The following QPCTL variants were observed in gnomAD, a reference collection of about 807,000 sequenced individuals.
The protein encoded by QPCTL is glutaminyl-peptide cyclotransferase like, also known as glutaminyl-peptide cyclotransferase-like protein.
A neutral mutation model predicts 34.6 loss-of-function variants in QPCTL; 31 were observed. That is an observed-to-expected ratio of 0.90 (90% confidence interval 0.67 to 1.21). The LOEUF (loss-of-function observed/expected upper bound fraction) is 1.21, where lower values mean the gene tolerates loss of function less well. QPCTL is among the 50% of genes most tolerant of loss of function. The pLI, the probability that QPCTL is intolerant of heterozygous loss-of-function variation, is 0.00. For synonymous variants in QPCTL, 223 were observed against 226.9 expected (o/e 0.98, Z 0.15); for missense variants, 474 against 507.8 (o/e 0.93, Z 0.64).
intron 5 of QPCTL, among the ~76,000 whole-genome samples, chr19:45,701,107 C>G (rs970351233): frequency 3.7e-5 from 4 of 107,136 alleles, no homozygotes; most frequent in Admixed American, 9.3e-5. Flanking sequence ...CATTTCTACA[C>G]ACACGCGCAC....
chr19:45,699,800 C>T (rs1967774777), intron 5 of QPCTL, among the ~76,000 whole-genome samples: 1 of 151,920 alleles, frequency 6.6e-6, no homozygotes. Context: ...GGCGTGGTGA[C>T]ATGTGCCTGT....
In QPCTL at chr19:45,703,003, T is replaced by C. The variant is rs143525608; in HGVS notation, c.1103T>C (p.Leu368Ser). ...CTCCACCCACCCACGGTACACAACT[T>C]GTGCCGCATTCTCGCTGTGTTCCTG... ...VNLHPPTVHN[L>S]CRILAVFLAE... Residue 368 changes from leucine to serine, a missense_variant, in exon 7 of 7, where the codon TTG (leucine) becomes TCG (serine). Physicochemically the swap from Leu to Ser is moderately radical, Grantham distance 145 (BLOSUM62 -2). Transcript: ENST00000012049. 3.0e-3 allele frequency: 4,792 copies of C among 1,614,082 alleles called. 10 individuals are homozygous for C. Among genetic ancestry groups the C allele is most frequent in the Non-Finnish European group, 3.8e-3 (4,483 of 1,180,008 alleles).
At chr19:45,700,668 C>T (rs993675448) in intron 5 of QPCTL, among the ~76,000 whole-genome samples, 2 of 151,882 alleles carry the variant, frequency 1.3e-5, no homozygotes, top group African/African-American at 2.4e-5. Context: ...ATCTGTAAAA[C>T]GGCCAGTGGG....
rs562441484 is a variant in QPCTL at position 45,698,894 on chromosome 19, A to C, written c.880A>C (p.Ser294Arg). Residue 294 changes from serine (S) to arginine (R), a missense_variant, in exon 5 of 7, where the codon AGC becomes CGC. Coordinates refer to ENST00000012049, the MANE Select transcript of QPCTL (RefSeq NM_017659.4). ...GGTCCGCTGGTTCCATCGGCTGAGG[A>C]GCATTGGTAAGGGTGAATGCGGAGG... Reference protein sequence around the residue: ...RTVRWFHRLRSIEKRLHRLNL... With the variant: ...RTVRWFHRLRRIEKRLHRLNL... 6.2e-7 allele frequency: 1 copy of C among 1,613,486 alleles called. No individual in the cohort carries two copies. The highest frequency in any genetic ancestry group is 1.7e-5 in the Admixed American group (1 of 59,996).
At position 45,693,511 on chromosome 19, in the gene QPCTL, G is replaced by T; in HGVS notation, c.306G>T (p.Leu102=). 1 of 1,612,828 alleles carries T rather than the reference G, an allele frequency of 6.2e-7. No individual in the cohort carries two copies. The highest frequency in any genetic ancestry group is 8.5e-7 in the Non-Finnish European group (1 of 1,179,338). Reference sequence around the variant, plus strand: ...GGAGCACTTATCTGCGCCCCCTGCTGGTTGTGCGAACCCCGGGCAGCCCGG... The same window carrying T: ...GGAGCACTTATCTGCGCCCCCTGCTTGTTGTGCGAACCCCGGGCAGCCCGG... ...RLWSTYLRPL[L]VVRTPGSPGN... The change falls in exon 2 of 7, where the codon CTG becomes CTT. Residue 102 remains leucine, a synonymous_variant. Coordinates refer to ENST00000012049, the MANE Select transcript of QPCTL (RefSeq NM_017659.4).
rs752624331 is a variant in QPCTL, at chr19:45,695,736, G to C, written c.633+18G>C. ...AAAAACAGGTGAGGAGCAGGAGTCG[G>C]GGAGGGTAGTGGGCTACCTCCACCT... On this transcript the variant is annotated intron_variant, in intron 3 of 6. Coordinates refer to ENST00000012049, the MANE Select transcript of QPCTL (RefSeq NM_017659.4). 7.0e-6 allele frequency: 11 copies of C among 1,579,068 alleles called. No individual in the cohort carries two copies. The Admixed American group carries it at 1.8e-4, about 26-fold the overall frequency.
chr19:45,699,258 C>T (rs1425678569), intron 5 of QPCTL, among the ~76,000 whole-genome samples: 1 of 151,784 alleles, frequency 6.6e-6, no homozygotes, highest in African/African-American at 2.4e-5. Context: ...GTCTTGAACT[C>T]CTGACCTCGT....
intron 3 of QPCTL, 157 bp from the exon 4 acceptor site, chr19:45,698,390 C>A (rs1156912899): frequency 4.6e-6 from 4 of 877,232 alleles, no homozygotes; most frequent in Non-Finnish European, 6.8e-6. Flanking sequence ...TGATCCCAGA[C>A]AACTGACTCG....
chr19:45,699,003 C>T (rs1338660793), intron 5 of QPCTL, 103 bp downstream of exon 5: 3 of 957,012 alleles, frequency 3.1e-6, no homozygotes, highest in Middle Eastern at 2.8e-4. Flanking sequence ...GCTCATCCAC[C>T]AGTCTGGGCC....
chr19:45,703,173 T>C lies in QPCTL; in HGVS notation c.*124T>C. On this transcript the variant is annotated 3_prime_UTR_variant, in exon 7 of 7. Coordinates refer to ENST00000012049, the MANE Select transcript of QPCTL (RefSeq NM_017659.4). Reference sequence around the variant, plus strand: ...TCCTTTTCATACCTTTGTCTCCTAATTGTGCTACAATTGGAAGACCTTCTT... The same window carrying C: ...TCCTTTTCATACCTTTGTCTCCTAACTGTGCTACAATTGGAAGACCTTCTT... 5 of 1,247,334 alleles carry C rather than the reference T, an allele frequency of 4.0e-6. No homozygotes were observed. The South Asian group carries it at 7.2e-5, about 18-fold the overall frequency. 77.3% of individuals were successfully genotyped at this position (1,247,334 alleles called of 1,614,324 possible).
At chr19:45,693,390 C>G in intron 1 of QPCTL, 23 bp from the exon 2 acceptor site, 1 of 1,600,478 alleles carries the variant, frequency 6.2e-7, no homozygotes, top group Non-Finnish European at 8.5e-7. Context: ...TTCTTCCCTT[C>G]CCTATCCCAC....
intron 3 of QPCTL, among the ~76,000 whole-genome samples, chr19:45,698,040 C>T (rs1385330069): frequency 6.6e-6 from 1 of 151,906 alleles, no homozygotes; most frequent in Non-Finnish European, 1.5e-5. Context: ...GTCAGGAGTT[C>T]GAGACCAGCC....
At position 45,698,804 on chromosome 19, in the gene QPCTL, C is replaced by G. The variant is rs771597308; in HGVS notation, c.790C>G (p.Leu264Val). The G allele has an allele frequency of 1.1e-5, 17 of 1,613,776 alleles. No homozygotes were observed. The highest frequency in any genetic ancestry group is 1.3e-5 in the Non-Finnish European group (15 of 1,179,770). ...PGPTRIQAIELFMLLDLLGAP... is the reference protein window; with the variant it reads ...PGPTRIQAIEVFMLLDLLGAP... Reference sequence around the variant, plus strand: ...CAGTCCTAGCCTTTCTCCTTAGGAGCTCTTTATGCTTCTTGATCTCCTGGG... The same window carrying G: ...CAGTCCTAGCCTTTCTCCTTAGGAGGTCTTTATGCTTCTTGATCTCCTGGG... Residue 264 changes from leucine to valine, a missense_variant, in exon 5 of 7, where the codon CTC becomes GTC. By Grantham distance (32) the Leu-to-Val change is conservative. Coordinates refer to ENST00000012049, the MANE Select transcript of QPCTL (RefSeq NM_017659.4).
intron 3 of QPCTL, among the ~76,000 whole-genome samples, chr19:45,698,189 G>A (rs1967736404): frequency 1.3e-5 from 2 of 151,910 alleles, no homozygotes; most frequent in Non-Finnish European, 2.9e-5. Flanking sequence ...GGTGGAGGTT[G>A]CAGTGAGTCA....
Position 45,703,009 on chromosome 19 carries a change from G to A in QPCTL, c.1109G>A (p.Arg370His), listed in dbSNP as rs775451437. Reference sequence around the variant, plus strand: ...CCACCCACGGTACACAACTTGTGCCGCATTCTCGCTGTGTTCCTGGCTGAA... The same window carrying A: ...CCACCCACGGTACACAACTTGTGCCACATTCTCGCTGTGTTCCTGGCTGAA... ...LHPPTVHNLC[R>H]ILAVFLAEYL... Residue 370 changes from arginine (R) to histidine (H), a missense_variant, in exon 7 of 7, where the codon CGC (arginine) becomes CAC (histidine). Physicochemically the swap from Arg to His is conservative, Grantham distance 29. Coordinates refer to ENST00000012049, the MANE Select transcript of QPCTL (RefSeq NM_017659.4). 4.5e-5 allele frequency: 72 copies of A among 1,613,980 alleles called. No homozygotes were observed. The highest frequency in any genetic ancestry group is 1.1e-4 in the African/African-American group (8 of 74,892).
At chr19:45,694,335 C>T (rs1206345321) in intron 2 of QPCTL, among the ~76,000 whole-genome samples, 3 of 151,802 alleles carry the variant, frequency 2.0e-5, no homozygotes, top group Non-Finnish European at 4.4e-5. Context: ...GCTGAGATTG[C>T]GCCACTGCAC....
At chr19:45,694,766 G>A (rs986414121) in intron 2 of QPCTL, among the ~76,000 whole-genome samples, 1 of 152,086 alleles carries the variant, frequency 6.6e-6, no homozygotes, top group African/African-American at 2.4e-5. Context: ...ACCGCGCCCG[G>A]CCTGGACTAG....
chr19:45,698,104 A>G (rs1339548633), intron 3 of QPCTL, among the ~76,000 whole-genome samples: 2 of 152,026 alleles, frequency 1.3e-5, no homozygotes, highest in African/African-American at 4.8e-5. Context: ...TTAGCCAGGC[A>G]TGATAGCGGG....
chr19:45,698,507 T>A, intron 3 of QPCTL, 40 bp from the exon 4 acceptor site: 1 of 1,611,532 alleles, frequency 6.2e-7, no homozygotes, highest in South Asian at 1.1e-5. Flanking sequence ...TGAGGGCTAG[T>A]CCTGAGCTGG....
Sources: gnomAD v4.1 joint callset for allele counts (sites outside exome capture counted in the v4.1 genomes callset) on GRCh38, gnomAD v4.1.1 for gene constraint, MANE v1.5 for transcripts, NCBI Gene and HGNC (gene_info 2026-07-23, HGNC 2026-07-21) for gene names.